Variants in NDUFA10 observed in about 807,000 individuals in gnomAD.
NDUFA10 encodes the protein NADH dehydrogenase [ubiquinone] 1 alpha subcomplex subunit 10, mitochondrial.
Under a neutral mutation model 47.8 loss-of-function variants are expected in NDUFA10, and 40 were observed. The ratio of observed to expected loss-of-function variants is 0.84; its 90% CI spans 0.65 to 1.09. The LOEUF is 1.09. Among genes scored for constraint, NDUFA10 ranks in the 50% least tolerant of loss-of-function variants. The pLI, the probability that NDUFA10 is intolerant of heterozygous loss-of-function variation, is 0.00. For missense variants in NDUFA10, 413 were observed against 451.1 expected (o/e 0.92, Z 0.76); for synonymous variants, 183 against 172.2 (o/e 1.06, Z -0.49).
intron 4 of NDUFA10, among the ~76,000 whole-genome samples, chr2:239,938,202 G>C (rs560817524): frequency 2.6e-4 from 39 of 152,260 alleles, no homozygotes; most frequent in Non-Finnish European, 3.2e-4. Flanking sequence ...TCTGCAAATG[G>C]GGGTGATAAC....
chr2:239,913,308 C>T (rs922919468), intron 4 of NDUFA10, among the ~76,000 whole-genome samples: 1 of 152,242 alleles, frequency 6.6e-6, no homozygotes, highest in Non-Finnish European at 1.5e-5. Context: ...TCCCTTCCTC[C>T]GAGGACGCTG....
chr2:239,950,709 A>G (rs1325903743), intron 4 of NDUFA10, among the ~76,000 whole-genome samples: 3 of 152,312 alleles, frequency 2.0e-5, no homozygotes, highest in Middle Eastern at 3.4e-3. Context: ...TGCATGTCAC[A>G]TGGCCACCAC....
chr2:239,968,725 G>T (rs1263536427), intron 9 of NDUFA10, among the ~76,000 whole-genome samples: 1 of 152,154 alleles, frequency 6.6e-6, no homozygotes, highest in East Asian at 1.9e-4. Flanking sequence ...TGTGTGCAGG[G>T]GGTAAAACTC....
intron 9 of NDUFA10, among the ~76,000 whole-genome samples, chr2:239,975,162 A>G (rs1695470655): frequency 1.3e-5 from 2 of 152,216 alleles, no homozygotes; most frequent in African/African-American, 4.8e-5. Flanking sequence ...ATTTAAAAAT[A>G]TGTGACACTC....
chr2:240,023,865 C>T (rs1697743793), intron 1 of NDUFA10, among the ~76,000 whole-genome samples: 1 of 152,188 alleles, frequency 6.6e-6, no homozygotes, highest in African/African-American at 2.4e-5. Flanking sequence ...GAAATTAACG[C>T]AGATAGCAAA....
At chr2:239,943,950 G>A (rs1031612143) in intron 4 of NDUFA10, among the ~76,000 whole-genome samples, 1 of 152,162 alleles carries the variant, frequency 6.6e-6, no homozygotes, top group Admixed American at 6.5e-5. Flanking sequence ...GGAAGCTGAG[G>A]CTGCTGGGGG....
At chr2:239,897,290 A>T (rs1693416274) in intron 4 of NDUFA10, among the ~76,000 whole-genome samples, 1 of 152,362 alleles carries the variant, frequency 6.6e-6, no homozygotes, top group East Asian at 1.9e-4. Context: ...TTTAGTAAAA[A>T]TTCAAGAAAA....
chr2:240,011,989 C>G (rs1412269824), intron 5 of NDUFA10: 1 of 397,800 alleles, frequency 2.5e-6, no homozygotes, highest in Non-Finnish European at 4.8e-6. Flanking sequence ...GCAGCACTGC[C>G]TGTCTTTCCT....
intron 4 of NDUFA10, among the ~76,000 whole-genome samples, chr2:239,935,490 C>G (rs993115526): frequency 6.6e-6 from 1 of 152,174 alleles, no homozygotes; most frequent in Admixed American, 6.5e-5. Context: ...TTGTCCCCAT[C>G]GCTCAGCTCA....
intron 4 of NDUFA10, among the ~76,000 whole-genome samples, chr2:240,018,115 C>T (rs779603965): frequency 1.3e-5 from 2 of 152,192 alleles, no homozygotes; most frequent in Non-Finnish European, 2.9e-5. Flanking sequence ...AAAACGGCAG[C>T]GTGTCAGAGG....
intron 4 of NDUFA10, among the ~76,000 whole-genome samples, chr2:239,913,770 G>A (rs1295898272): frequency 1.3e-5 from 2 of 152,216 alleles, no homozygotes; most frequent in Non-Finnish European, 2.9e-5. Context: ...TGCAGTTTAG[G>A]ATCCCACCCC....
chr2:239,908,781 T>C (rs923456665), intron 4 of NDUFA10, among the ~76,000 whole-genome samples: 7 of 152,166 alleles, frequency 4.6e-5, no homozygotes, highest in Non-Finnish European at 8.8e-5. Flanking sequence ...AGGCCCTCAG[T>C]GCCCTCCACA....
intron 4 of NDUFA10, among the ~76,000 whole-genome samples, chr2:239,947,181 G>A (rs750801920): frequency 2.1e-4 from 32 of 152,212 alleles, no homozygotes; most frequent in Non-Finnish European, 4.0e-4. Context: ...ATCTGGGGCC[G>A]TCCCGCCTGC....
intron 4 of NDUFA10, among the ~76,000 whole-genome samples, chr2:239,898,296 T>C (rs570701185): frequency 1.6e-3 from 238 of 152,344 alleles, no homozygotes; most frequent in South Asian, 2.7e-3. Flanking sequence ...CTACAGTACC[T>C]AGAAAGCCAA....
intron 8 of NDUFA10, among the ~76,000 whole-genome samples, chr2:239,999,966 C>A (rs1204727352): frequency 1.3e-5 from 2 of 152,236 alleles, no homozygotes; most frequent in East Asian, 1.9e-4. Context: ...CTTCCTATCA[C>A]AGCAGCTGTC....
intron 1 of NDUFA10, among the ~76,000 whole-genome samples, chr2:240,024,721 G>A (rs915356615): frequency 6.6e-6 from 1 of 152,230 alleles, no homozygotes; most frequent in Non-Finnish European, 1.5e-5. Context: ...ACAAATGTAT[G>A]AAACGATTTC....
At chr2:239,971,363 C>T (rs1695299114) in intron 9 of NDUFA10, among the ~76,000 whole-genome samples, 1 of 152,230 alleles carries the variant, frequency 6.6e-6, no homozygotes, top group South Asian at 2.1e-4. Context: ...CTTTTCTCTA[C>T]TGAACACCTA....
At chr2:239,893,189 G>A (rs1171397171) in intron 5 of NDUFA10, among the ~76,000 whole-genome samples, 2 of 152,244 alleles carry the variant, frequency 1.3e-5, no homozygotes, top group Non-Finnish European at 2.9e-5. Context: ...GTGGGCTGAT[G>A]CGGCTCAATC....
chr2:239,899,079 GGA>G, intron 4 of NDUFA10, among the ~76,000 whole-genome samples: 1 of 46,958 alleles, frequency 2.1e-5, no homozygotes, highest in South Asian at 1.1e-3. Flanking sequence ...GTGTGATGGA[GGA>G]GTGTGGAGGG....
Sources: gnomAD v4.1 joint callset for allele counts (sites outside exome capture counted in the v4.1 genomes callset) on GRCh38, gnomAD v4.1.1 for gene constraint, MANE v1.5 for transcripts, NCBI Gene and HGNC (gene_info 2026-07-23, HGNC 2026-07-21) for gene names.